ITGB2: variants seen among roughly 807,000 people sequenced by gnomAD.
ITGB2 encodes the protein integrin beta-2.
Under a neutral mutation model 86.8 loss-of-function variants are expected in ITGB2, and 56 were observed. That is an observed-to-expected ratio of 0.65 (90% CI 0.52 to 0.81). ITGB2 has a LOEUF of 0.81. Among genes scored for constraint, ITGB2 ranks in the 30% least tolerant of loss-of-function variants. The probability of loss-of-function intolerance (pLI) is 0.00; values close to 1 mark genes in which losing one functional copy is unlikely to be tolerated. For synonymous variants in ITGB2, 457 were observed against 450.4 expected, an observed-to-expected ratio of 1.01 and a Z score of -0.19; for missense variants, 948 against 1,061.2, an observed-to-expected ratio of 0.89 and a Z score of 1.48.
rs1302290194 is a variant in ITGB2 at position 44,927,593 on chromosome 21, C to CT, written c.-4+1060dup. 37 of 151,736 alleles carry CT rather than the reference C, an allele frequency of 2.4e-4. No homozygotes were observed. In the East Asian group the frequency reaches 3.3e-3, roughly 14 times the overall value. 9.4% of individuals were successfully genotyped at this position (151,736 alleles called of 1,614,324 possible). A position where few individuals can be genotyped will look rare whatever the true frequency, so the allele number is the denominator to read the frequency against. On this transcript the variant is annotated intron_variant, in intron 1 of 15. Transcript: ENST00000355153. Reference sequence around the variant, plus strand: ...CTCCCAACCCTGCCCCCACGTAGGCCTTTTTTTTTCTTTTTCACTTCTTCC... The same window carrying CT: ...CTCCCAACCCTGCCCCCACGTAGGCCTTTTTTTTTTCTTTTTCACTTCTTCC...
At chr21:44,900,795 A>C (rs535934255) in intron 6 of ITGB2, among the ~76,000 whole-genome samples, 1 of 152,070 alleles carries the variant, frequency 6.6e-6, no homozygotes, top group Non-Finnish European at 1.5e-5. Context: ...AAGGGGAAAA[A>C]CCCTCGCAGA....
At chr21:44,898,962 G>T (rs984060338) in intron 8 of ITGB2, 105 bp downstream of exon 8, 3 of 929,882 alleles carry the variant, frequency 3.2e-6, no homozygotes, top group Non-Finnish European at 5.2e-6. Flanking sequence ...TTGCTCACGT[G>T]CCCAGCATGC....
chr21:44,917,697 T>C (rs1232536221), intron 1 of ITGB2, among the ~76,000 whole-genome samples: 2 of 152,180 alleles, frequency 1.3e-5, no homozygotes, highest in Admixed American at 1.3e-4. Context: ...GACTCTGCCC[T>C]CTGCTGAGAC....
At chr21:44,904,044 T>C (rs2084006464) in intron 4 of ITGB2, among the ~76,000 whole-genome samples, 1 of 152,154 alleles carries the variant, frequency 6.6e-6, no homozygotes, top group African/African-American at 2.4e-5. Flanking sequence ...TGCGGTTGTG[T>C]AGCTGTCTGT....
chr21:44,921,855 G>A (rs2084310289), upstream of ITGB2, among the ~76,000 whole-genome samples: 2 of 152,090 alleles, frequency 1.3e-5, no homozygotes, highest in Admixed American at 1.3e-4. Flanking sequence ...CCAAGTAGCT[G>A]GGATTACAGG....
At position 44,888,769 on chromosome 21, in the gene ITGB2, C is replaced by T. The variant is rs565042973; in HGVS notation, c.2004G>A (p.Glu668=). ...KGRTCKERDS[E]GCWVAYTLEQ... is the part of the protein sequence containing the mutation. ...CCAGCGTGTAGGCCACCCAGCAGCC[C>T]TCTGAGTCCCTCTCCTTGCAGGTCC... Residue 668 remains glutamate (E), a synonymous_variant, in exon 14 of 16, where the codon GAG becomes GAA. Transcript: ENST00000652462. 2.5e-6 allele frequency: 4 copies of T among 1,611,956 alleles called. No individual in the cohort carries two copies. Among genetic ancestry groups the T allele is most frequent in the East Asian group, 2.2e-5 (1 of 44,890 alleles).
At chr21:44,892,790 A>C (rs2083807995) in intron 10 of ITGB2, 1 of 154,098 alleles carries the variant, frequency 6.5e-6, no homozygotes. Flanking sequence ...TGGATAATAA[A>C]CTTAAACCTG....
At chr21:44,888,053 G>T (rs117727950) in intron 14 of ITGB2, among the ~76,000 whole-genome samples, 388 of 152,366 alleles carry the variant, frequency 2.5e-3, no homozygotes, top group Non-Finnish European at 4.7e-3. Context: ...GTCACCGTGG[G>T]GCTGGGCCTG....
At chr21:44,916,737 G>A (rs912511628) in intron 1 of ITGB2, among the ~76,000 whole-genome samples, 14 of 151,858 alleles carry the variant, frequency 9.2e-5, no homozygotes, top group East Asian at 3.9e-4. Flanking sequence ...GCTTGGTGGC[G>A]GGCGCCTGTA....
chr21:44,903,968 G>A (rs111757862), intron 4 of ITGB2, among the ~76,000 whole-genome samples: 204 of 152,254 alleles, frequency 1.3e-3, no homozygotes, highest in African/African-American at 4.3e-3. Context: ...CACGCGGGCC[G>A]TCCCCAGGAG....
intron 8 of ITGB2, among the ~76,000 whole-genome samples, chr21:44,896,091 G>T (rs1481460273): frequency 6.6e-6 from 1 of 151,982 alleles, no homozygotes; most frequent in Non-Finnish European, 1.5e-5. Flanking sequence ...GAGTGATCCT[G>T]CCTGCGGTGT....
chr21:44,900,154 CCA>C (rs1237897183), intron 7 of ITGB2, among the ~76,000 whole-genome samples, 164 bp downstream of exon 7: 1 of 152,230 alleles, frequency 6.6e-6, no homozygotes, highest in African/African-American at 2.4e-5. Context: ...TGGCCTGAGG[CCA>C]GTCCGGGGAG....
At chr21:44,893,325 G>A (rs2083817733) in intron 10 of ITGB2, 79 bp downstream of exon 10, 2 of 1,565,792 alleles carry the variant, frequency 1.3e-6, no homozygotes, top group African/African-American at 2.7e-5. Context: ...AGTGTGCTGG[G>A]ATGGGGACCC....
intron 4 of ITGB2, among the ~76,000 whole-genome samples, chr21:44,904,046 GCT>G: frequency 6.6e-6 from 1 of 152,182 alleles, no homozygotes; most frequent in Non-Finnish European, 1.5e-5. Flanking sequence ...CGGTTGTGTA[GCT>G]GTCTGTTTAC....
chr21:44,901,770 C>A, intron 5 of ITGB2, 37 bp from the exon 6 acceptor site: 1 of 1,588,374 alleles, frequency 6.3e-7, no homozygotes. Context: ...AGGTGGCAGG[C>A]TGGGCCCAGG....
chr21:44,887,776 C>T (rs1452829921), intron 14 of ITGB2, among the ~76,000 whole-genome samples: 1 of 152,214 alleles, frequency 6.6e-6, no homozygotes, highest in African/African-American at 2.4e-5. Flanking sequence ...GGGGTTCCTG[C>T]CCTGGCAGGT....
At chr21:44,895,841 AAAATGAAATGAAATG>A (rs71199643) in intron 8 of ITGB2, among the ~76,000 whole-genome samples, 3 of 129,254 alleles carry the variant, frequency 2.3e-5, no homozygotes, top group South Asian at 2.5e-4. Flanking sequence ...TCAATAAAAT[AAAATGAAATGAAATG>A]AAATGAAATG....
upstream of ITGB2, among the ~76,000 whole-genome samples, chr21:44,922,485 A>T (rs1289929676): frequency 6.6e-6 from 1 of 152,054 alleles, no homozygotes; most frequent in African/African-American, 2.4e-5. Flanking sequence ...CAACATTTGG[A>T]GACCCAGACC....
chr21:44,903,335 G>T, intron 5 of ITGB2, 30 bp downstream of exon 5: 2 of 1,613,532 alleles, frequency 1.2e-6, no homozygotes, highest in Non-Finnish European at 1.7e-6. Flanking sequence ...GGAAAGGACT[G>T]GGTTTTGTCC....
Sources: allele counts gnomAD v4.1 joint callset (sites outside exome capture counted in the v4.1 genomes callset), GRCh38; gene constraint gnomAD v4.1.1; transcripts MANE v1.5; gene names NCBI Gene and HGNC (gene_info 2026-07-23, HGNC 2026-07-21).